The following LRCH1 variants were observed in gnomAD, a reference collection of about 807,000 sequenced individuals.
The protein encoded by LRCH1 is leucine rich repeats and calponin homology domain containing 1.
In LRCH1, 23 loss-of-function variants were observed where a neutral mutation model predicts 94.9. The observed-to-expected ratio is 0.24, with a 90% CI of 0.17 to 0.34. The LOEUF (loss-of-function observed/expected upper bound fraction) is 0.34. Among genes scored for constraint, LRCH1 ranks in the 10% least tolerant of loss-of-function variants. The pLI is 1.00. For missense variants in LRCH1, 790 were observed against 945.9 expected, an observed-to-expected ratio of 0.84 and a Z score of 2.16; for synonymous variants, 364 against 354.9, an observed-to-expected ratio of 1.03 and a Z score of -0.29.
chr13:46,746,125 C>T (rs1467103892), downstream of LRCH1, among the ~76,000 whole-genome samples: 2 of 152,212 alleles, frequency 1.3e-5, no homozygotes, highest in African/African-American at 4.8e-5. Context: ...GGCTCTAAGA[C>T]ACATGTAGTT....
chr13:46,699,491 C>T (rs1871356272), intron 10 of LRCH1, 88 bp downstream of exon 10: 2 of 1,182,566 alleles, frequency 1.7e-6, no homozygotes, highest in Admixed American at 1.7e-5. Context: ...AGAATTTTGA[C>T]CTGCTTTTCT....
chr13:46,714,490 A>G lies in LRCH1; in HGVS notation c.1655-1070A>G, dbSNP rs539445534. Among the ~76,000 whole-genome samples, 8 of 152,320 alleles carry G rather than the reference A, an allele frequency of 5.3e-5. No individual in the cohort carries two copies. In the South Asian group the frequency reaches 1.7e-3, roughly 32 times the overall value. On this transcript the variant is annotated intron_variant, in intron 15 of 19. Coordinates refer to ENST00000389797, the MANE Select transcript of LRCH1 (RefSeq NM_001164211.2). The stretch of plus-strand genomic sequence containing the variant: ...GAGTAGCTTTAGAATGCTTAAAGCC[A>G]ATTAATTTTTATTTTGAAAGTATGT...
chr13:46,726,565 A>G (rs1872824561), intron 17 of LRCH1, among the ~76,000 whole-genome samples: 1 of 152,224 alleles, frequency 6.6e-6, no homozygotes, highest in East Asian at 1.9e-4. Flanking sequence ...CCCCTCACCC[A>G]CACCAGCAAG....
At chr13:46,716,385 T>G (rs1458898940) in intron 16 of LRCH1, among the ~76,000 whole-genome samples, 1 of 152,228 alleles carries the variant, frequency 6.6e-6, no homozygotes, top group Non-Finnish European at 1.5e-5. Flanking sequence ...GCACACCACC[T>G]ATATCGTAAT....
chr13:46,733,507 A>G (rs1485419328), intron 18 of LRCH1, among the ~76,000 whole-genome samples: 2 of 152,210 alleles, frequency 1.3e-5, no homozygotes, highest in Non-Finnish European at 1.5e-5. Context: ...ACACAACAGT[A>G]TGATCCCGTA....
At chr13:46,599,606 A>G (rs922309594) in intron 1 of LRCH1, among the ~76,000 whole-genome samples, 3 of 152,224 alleles carry the variant, frequency 2.0e-5, no homozygotes, top group Non-Finnish European at 2.9e-5. Context: ...GCCATCAGTG[A>G]TAGTCTTATG....
At chr13:46,728,645 C>T (rs56261291) in intron 17 of LRCH1, among the ~76,000 whole-genome samples, 2 of 152,216 alleles carry the variant, frequency 1.3e-5, no homozygotes, top group African/African-American at 4.8e-5. Flanking sequence ...AAAAATTTTA[C>T]ACTCACCTAA....
At chr13:46,741,501 G>C in intron 19 of LRCH1, 141 bp from the exon 20 acceptor site, 2 of 883,462 alleles carry the variant, frequency 2.3e-6, no homozygotes, top group East Asian at 2.4e-5. Flanking sequence ...GATGATGAAA[G>C]GGTCTTACCT....
rs189015807 is a variant in LRCH1, at chr13:46,591,063, G to A, written c.307+37360G>A. On this transcript the variant is annotated intron_variant, in intron 1 of 19. Transcript: ENST00000389797. The stretch of plus-strand genomic sequence containing the variant: ...TCATTTTCAAAGAGCTCAGAATATC[G>A]GTGAGACAAAGTCCCTTCCTGCCTG... Among the ~76,000 whole-genome samples the A allele has an allele frequency of 9.2e-5, 14 of 151,766 alleles. No homozygotes were observed. The East Asian group carries it at 2.3e-3, about 25-fold the overall frequency.
At chr13:46,686,952 AT>A (rs71077916) in intron 5 of LRCH1, among the ~76,000 whole-genome samples, 93 of 85,434 alleles carry the variant, frequency 1.1e-3, no homozygotes, top group East Asian at 2.5e-3. Context: ...GAGTATATTG[AT>A]TTTTTTTTTT....
chr13:46,610,679 T>G (rs1437996242), intron 1 of LRCH1, among the ~76,000 whole-genome samples: 2 of 152,196 alleles, frequency 1.3e-5, no homozygotes, highest in African/African-American at 4.8e-5. Flanking sequence ...CTGAGTAGTA[T>G]TCCATTATCT....
downstream of LRCH1, among the ~76,000 whole-genome samples, chr13:46,746,497 C>A (rs1873916932): frequency 6.6e-6 from 1 of 152,106 alleles, no homozygotes. Context: ...ATGCAGGAGA[C>A]TACTTCATGA....
At chr13:46,602,978 G>GCATACATACATA (rs35011134) in intron 1 of LRCH1, among the ~76,000 whole-genome samples, 1,808 of 149,912 alleles carry the variant, frequency 0.012, 31 homozygotes, top group African/African-American at 0.03. Context: ...ATACATGCAT[G>GCATACATACATA]CATACATACA....
In LRCH1 at chr13:46,694,926, C is replaced by T. The variant is rs1180866012; in HGVS notation, c.1154C>T (p.Ser385Phe). The T allele has an allele frequency of 1.2e-6, 2 of 1,614,038 alleles. No individual in the cohort carries two copies. Among genetic ancestry groups the T allele is most frequent in the East Asian group, 2.2e-5 (1 of 44,902 alleles). ...CATCAGGAATTTCAACCGGAGCCTTCCCTTTTGGGTGACAGCACCAACTCA... is the reference window on the plus strand; with the variant it reads ...CATCAGGAATTTCAACCGGAGCCTTTCCTTTTGGGTGACAGCACCAACTCA... ...EFHQEFQPEP[S>F]LLGDSTNSGE... Residue 385 changes from serine to phenylalanine, a missense_variant, in exon 9 of 20, where the codon TCC becomes TTC. This residue lies in a region of LRCH1 where 460 missense variants were observed against 508.9 expected (regional missense o/e 0.90). Transcript: ENST00000389797.
downstream of LRCH1, among the ~76,000 whole-genome samples, chr13:46,747,499 T>C (rs1873956116): frequency 6.6e-6 from 1 of 152,232 alleles, no homozygotes; most frequent in South Asian, 2.1e-4. Context: ...CCTTGCTCCA[T>C]ATAAGCTGTG....
At chr13:46,625,913 A>T (rs2050943297) in intron 1 of LRCH1, among the ~76,000 whole-genome samples, 1 of 152,132 alleles carries the variant, frequency 6.6e-6, no homozygotes, top group Admixed American at 6.5e-5. Flanking sequence ...TCAGCCTCCC[A>T]AATTGCTGGG....
intron 1 of LRCH1, among the ~76,000 whole-genome samples, chr13:46,585,443 G>C (rs2050422403): frequency 6.6e-6 from 1 of 151,890 alleles, no homozygotes; most frequent in African/African-American, 2.4e-5. Flanking sequence ...CAGGCATAGT[G>C]GTGGGCGCCT....
rs1288168790 is a variant in LRCH1 at position 46,650,390 on chromosome 13, A to G, written c.452+45A>G. 9 of 1,501,882 alleles carry G rather than the reference A, an allele frequency of 6.0e-6. No individual in the cohort carries two copies. In the South Asian group the frequency reaches 7.7e-5, roughly 13 times the overall value. The allele number at this position is 1,501,882 out of a possible 1,614,324, so 93.0% of individuals were successfully genotyped here. On this transcript the variant is annotated intron_variant, in intron 2 of 19. Coordinates refer to ENST00000389797, the MANE Select transcript of LRCH1 (RefSeq NM_001164211.2). ...TGTAATCAAATTCAGTGAAAGAAAT[A>G]AAAAACTTATGCTTTCATTTCTATC...
At chr13:46,606,850 G>A (rs2050693840) in intron 1 of LRCH1, among the ~76,000 whole-genome samples, 1 of 152,174 alleles carries the variant, frequency 6.6e-6, no homozygotes, top group Non-Finnish European at 1.5e-5. Flanking sequence ...TTACAGGTGT[G>A]AGCCACAGCA....
Sources: gnomAD v4.1 joint callset for allele counts (sites outside exome capture counted in the v4.1 genomes callset) on GRCh38, gnomAD v4.1.1 for gene constraint, gnomAD v4.1.1 regional missense constraint, MANE v1.5 for transcripts, NCBI Gene and HGNC (gene_info 2026-07-23, HGNC 2026-07-21) for gene names.